PRKAR1B: variants seen among roughly 807,000 people sequenced by gnomAD.
PRKAR1B encodes the protein cAMP-dependent protein kinase type I-beta regulatory subunit.
Under a neutral mutation model 46.5 loss-of-function variants are expected in PRKAR1B, and 22 were observed. That is an observed-to-expected ratio of 0.47 (90% CI 0.34 to 0.68). The LOEUF (loss-of-function observed/expected upper bound fraction) is 0.68, where lower values mean the gene tolerates loss of function less well. Ranked by LOEUF, PRKAR1B falls within the 30% of genes least tolerant of loss-of-function variation. The pLI is 0.01. For synonymous variants in PRKAR1B, 259 were observed against 217.7 expected (o/e 1.19, Z -1.67); for missense variants, 445 against 535.6 (o/e 0.83, Z 1.67).
At chr7:673,112 G>C (rs1174389620) in intron 4 of PRKAR1B, among the ~76,000 whole-genome samples, 1 of 144,140 alleles carries the variant, frequency 6.9e-6, no homozygotes, top group Non-Finnish European at 1.5e-5. Flanking sequence ...TGGTCTGTGT[G>C]GCCAGCAGCT....
intron 2 of PRKAR1B, among the ~76,000 whole-genome samples, chr7:688,100 A>G (rs1779197078): frequency 7.0e-6 from 1 of 143,622 alleles, no homozygotes; most frequent in Non-Finnish European, 1.5e-5. Flanking sequence ...CACCTCAAAA[A>G]AAAAAAAAAA....
intron 4 of PRKAR1B, among the ~76,000 whole-genome samples, chr7:616,749 G>A (rs1050504358): frequency 1.2e-4 from 18 of 152,172 alleles, no homozygotes; most frequent in Middle Eastern, 3.2e-3. Context: ...AGTCATGCCC[G>A]CGGCATCGAT....
chr7:691,128 C>T (rs931726959), intron 2 of PRKAR1B, among the ~76,000 whole-genome samples: 9 of 149,664 alleles, frequency 6.0e-5, no homozygotes, highest in Non-Finnish European at 8.9e-5. Context: ...CTGGCCAGTC[C>T]GCTGCAAATC....
At chr7:568,033 C>T (rs1223074720) in intron 9 of PRKAR1B, among the ~76,000 whole-genome samples, 5 of 152,162 alleles carry the variant, frequency 3.3e-5, no homozygotes, top group Non-Finnish European at 5.9e-5. Context: ...GTAAATTTCA[C>T]GTTATCTGTA....
chr7:665,136 G>A (rs537746088), intron 4 of PRKAR1B, among the ~76,000 whole-genome samples: 1 of 152,310 alleles, frequency 6.6e-6, no homozygotes, highest in African/African-American at 2.4e-5. Context: ...CAACTGCCCC[G>A]CAGCTCCAGG....
Position 591,717 on chromosome 7 carries a change from A to C in PRKAR1B, c.708+4429T>G, listed in dbSNP as rs1383182039. 2.0e-5 allele frequency among the ~76,000 whole-genome samples: 3 copies of C among 152,168 alleles called. No homozygotes were observed. In the East Asian group the frequency reaches 5.8e-4, roughly 29 times the overall value. ...GAAAAAAAAAGGAAAAGAAAAATAT[A>C]TACAGCAGCCACTTCTCCAGCCTGG... is the stretch of plus-strand genomic sequence containing the variant. On this transcript the variant is annotated intron_variant, in intron 7 of 10. Coordinates refer to ENST00000537384, the MANE Select transcript of PRKAR1B (RefSeq NM_001164760.2).
chr7:578,244 C>T (rs565436090), intron 9 of PRKAR1B, among the ~76,000 whole-genome samples: 15 of 150,274 alleles, frequency 1.0e-4, no homozygotes, highest in Non-Finnish European at 1.3e-4. Flanking sequence ...GGAGTTCACA[C>T]GCGAATTCCT....
At chr7:726,731 T>G in intron 1 of PRKAR1B, 1 of 1,239,902 alleles carries the variant, frequency 8.1e-7, no homozygotes, top group Non-Finnish European at 1.0e-6. Flanking sequence ...ATGGCGGCGC[T>G]GGGGGTGGCG....
At chr7:722,164 G>T (rs1562365939) in intron 1 of PRKAR1B, among the ~76,000 whole-genome samples, 1 of 136,650 alleles carries the variant, frequency 7.3e-6, no homozygotes, top group Non-Finnish European at 1.5e-5. Flanking sequence ...GCGGTGGCAT[G>T]ATATTGGCTC....
At chr7:588,085 A>C (rs1361858499) in intron 7 of PRKAR1B, among the ~76,000 whole-genome samples, 1 of 152,166 alleles carries the variant, frequency 6.6e-6, no homozygotes, top group East Asian at 1.9e-4. Flanking sequence ...ACTCGCTCCC[A>C]AGCCGCCCTC....
chr7:685,158 A>G (rs1228451523), intron 2 of PRKAR1B, among the ~76,000 whole-genome samples: 2 of 149,868 alleles, frequency 1.3e-5, no homozygotes, highest in African/African-American at 2.5e-5. Context: ...CAACATGAAA[A>G]TATCTTAAAA....
chr7:721,281 G>C (rs1192847260), intron 1 of PRKAR1B, among the ~76,000 whole-genome samples: 1 of 152,186 alleles, frequency 6.6e-6, no homozygotes, highest in African/African-American at 2.4e-5. Context: ...AAGATGGTCA[G>C]TGACATTGAC....
chr7:632,398 C>T (rs2128480002), intron 4 of PRKAR1B, among the ~76,000 whole-genome samples: 1 of 152,268 alleles, frequency 6.6e-6, no homozygotes, highest in East Asian at 1.9e-4. Context: ...CCATCCACTG[C>T]CCCCCAACAC....
intron 9 of PRKAR1B, among the ~76,000 whole-genome samples, chr7:574,173 AGTGAATAATGG>A (rs1362260157): frequency 6.6e-6 from 1 of 152,244 alleles, no homozygotes; most frequent in East Asian, 1.9e-4. Flanking sequence ...CTTGCTCTGC[AGTGAATAATGG>A]GTGATTGTCT....
chr7:596,770 C>T (rs761584364), intron 6 of PRKAR1B, among the ~76,000 whole-genome samples: 5 of 152,256 alleles, frequency 3.3e-5, no homozygotes, highest in Non-Finnish European at 5.9e-5. Flanking sequence ...TGTGCTTCCT[C>T]TCCACCCCAG....
intron 9 of PRKAR1B, among the ~76,000 whole-genome samples, chr7:575,252 C>T (rs985823808): frequency 6.6e-6 from 1 of 152,226 alleles, no homozygotes; most frequent in African/African-American, 2.4e-5. Flanking sequence ...GCTGTTGACA[C>T]TGGGCATTCA....
intron 6 of PRKAR1B, among the ~76,000 whole-genome samples, chr7:605,153 G>A (rs1201625643): frequency 1.3e-5 from 2 of 152,266 alleles, no homozygotes; most frequent in Non-Finnish European, 2.9e-5. Flanking sequence ...TCCCGGCAGA[G>A]CAGGGGACAC....
chr7:564,119 T>C (rs575430084), intron 9 of PRKAR1B, among the ~76,000 whole-genome samples: 2 of 152,170 alleles, frequency 1.3e-5, no homozygotes, highest in South Asian at 4.2e-4. Context: ...ACAGAGACCA[T>C]ACCCCACGCA....
chr7:726,963 G>C (rs1444914533), intron 1 of PRKAR1B: 3 of 1,321,892 alleles, frequency 2.3e-6, no homozygotes, highest in Non-Finnish European at 2.9e-6. Context: ...TGCCGCGCTT[G>C]CTGCGCTGCC....
Sources: gnomAD v4.1 joint callset for allele counts (sites outside exome capture counted in the v4.1 genomes callset) on GRCh38, gnomAD v4.1.1 for gene constraint, MANE v1.5 for transcripts, NCBI Gene and HGNC (gene_info 2026-07-23, HGNC 2026-07-21) for gene names.